Variants in LDLRAD3 observed in about 807,000 individuals in gnomAD.
LDLRAD3 encodes low density lipoprotein receptor class A domain containing 3.
A neutral mutation model predicts 29.4 loss-of-function variants in LDLRAD3; 20 were observed. The ratio of observed to expected loss-of-function variants is 0.68; its 90% confidence interval spans 0.48 to 0.99. The LOEUF is 0.99. Among genes scored for constraint, LDLRAD3 ranks in the 50% least tolerant of loss-of-function variants. The pLI is 0.00. For synonymous variants in LDLRAD3, 157 were observed against 192.7 expected (o/e 0.81, Z 1.53); for missense variants, 420 against 454.3 (o/e 0.92, Z 0.69).
chr11:36,214,758 C>T (rs1470885539), intron 4 of LDLRAD3, among the ~76,000 whole-genome samples: 2 of 152,148 alleles, frequency 1.3e-5, no homozygotes, highest in Non-Finnish European at 2.9e-5. Context: ...TCTTCTTTTT[C>T]TCACCTGTGA....
chr11:36,005,694 C>T (rs1386931932), intron 1 of LDLRAD3, among the ~76,000 whole-genome samples: 1 of 152,176 alleles, frequency 6.6e-6, no homozygotes, highest in East Asian at 1.9e-4. Flanking sequence ...CATTTTCACA[C>T]TCCTATAAAG....
chr11:36,186,811 C>T (rs1397076743), intron 4 of LDLRAD3, among the ~76,000 whole-genome samples: 6 of 152,210 alleles, frequency 3.9e-5, no homozygotes, highest in African/African-American at 1.4e-4. Context: ...ATGAGCCCCC[C>T]TGTGGGTTAC....
intron 1 of LDLRAD3, among the ~76,000 whole-genome samples, chr11:35,957,451 G>C (rs1215880238): frequency 2.0e-5 from 3 of 152,154 alleles, no homozygotes; most frequent in African/African-American, 7.2e-5. Context: ...GCTTTTACAT[G>C]ATGGTCATGA....
intron 4 of LDLRAD3, among the ~76,000 whole-genome samples, chr11:36,113,400 A>C (rs1340076267): frequency 6.6e-6 from 1 of 152,138 alleles, no homozygotes; most frequent in Non-Finnish European, 1.5e-5. Flanking sequence ...CTGAGACATC[A>C]GAAAGCGGGG....
chr11:36,073,491 G>A (rs1852941967), intron 2 of LDLRAD3, among the ~76,000 whole-genome samples: 1 of 152,262 alleles, frequency 6.6e-6, no homozygotes. Flanking sequence ...GGGTGAGAGA[G>A]GGACAGTCGG....
rs111786386 is a variant in LDLRAD3 at position 36,064,354 on chromosome 11, T to G, written c.194-17299T>G. Among the ~76,000 whole-genome samples, 830 of 152,196 alleles carry G rather than the reference T, an allele frequency of 5.5e-3. 12 individuals are homozygous for G. Among genetic ancestry groups the G allele is most frequent in the African/African-American group, 0.019 (792 of 41,536 alleles). On this transcript the variant is annotated intron_variant, in intron 2 of 5. Coordinates refer to ENST00000315571, the MANE Select transcript of LDLRAD3 (RefSeq NM_174902.4). ...TCTCACTCTGTTGCCCAGGCTAGAG[T>G]GCAGGAGTGCAGTGGTGTGATCACA...
intron 2 of LDLRAD3, among the ~76,000 whole-genome samples, chr11:36,081,329 G>T (rs1853110203): frequency 1.3e-5 from 2 of 152,198 alleles, no homozygotes; most frequent in South Asian, 4.1e-4. Flanking sequence ...TGGTGCTTCA[G>T]CACCTTCATC....
At chr11:36,140,885 T>C (rs1301732736) in intron 4 of LDLRAD3, among the ~76,000 whole-genome samples, 1 of 152,170 alleles carries the variant, frequency 6.6e-6, no homozygotes, top group African/African-American at 2.4e-5. Context: ...TTGAAGTAGA[T>C]AAAGCATCCT....
chr11:36,112,009 G>A (rs1344333412), intron 4 of LDLRAD3, among the ~76,000 whole-genome samples: 1 of 152,182 alleles, frequency 6.6e-6, no homozygotes, highest in Non-Finnish European at 1.5e-5. Context: ...TGTGTCTGCT[G>A]CTCAAATTTG....
At chr11:36,149,778 T>G (rs1854250286) in intron 4 of LDLRAD3, among the ~76,000 whole-genome samples, 1 of 152,186 alleles carries the variant, frequency 6.6e-6, no homozygotes, top group Non-Finnish European at 1.5e-5. Flanking sequence ...CCAGAAGTGC[T>G]GGGGCAGGTG....
chr11:36,007,659 T>G (rs1851901969), intron 1 of LDLRAD3, among the ~76,000 whole-genome samples: 1 of 152,124 alleles, frequency 6.6e-6, no homozygotes, highest in Non-Finnish European at 1.5e-5. Context: ...ACAGAAATGG[T>G]CTTATGGTCC....
chr11:35,965,491 G>T (rs928373276), intron 1 of LDLRAD3, among the ~76,000 whole-genome samples: 4 of 152,176 alleles, frequency 2.6e-5, no homozygotes, highest in Non-Finnish European at 5.9e-5. Context: ...GGGGGCCATG[G>T]GAGGGTGTAG....
At chr11:36,146,226 C>T (rs1338367212) in intron 4 of LDLRAD3, among the ~76,000 whole-genome samples, 3 of 152,208 alleles carry the variant, frequency 2.0e-5, no homozygotes, top group Non-Finnish European at 4.4e-5. Context: ...ACCCTGTGCA[C>T]TTACCTCCCT....
At chr11:36,120,075 A>C (rs1853731586) in intron 4 of LDLRAD3, among the ~76,000 whole-genome samples, 1 of 152,064 alleles carries the variant, frequency 6.6e-6, no homozygotes, top group Non-Finnish European at 1.5e-5. Context: ...TTTTATCGAA[A>C]ATGTTATTTT....
chr11:36,158,385 T>C (rs547575961), intron 4 of LDLRAD3, among the ~76,000 whole-genome samples: 1 of 152,292 alleles, frequency 6.6e-6, no homozygotes, highest in South Asian at 2.1e-4. Flanking sequence ...CTGTCTTCCA[T>C]ATACCCAAGG....
At chr11:36,156,103 A>G (rs936206873) in intron 4 of LDLRAD3, among the ~76,000 whole-genome samples, 2 of 152,216 alleles carry the variant, frequency 1.3e-5, no homozygotes, top group African/African-American at 4.8e-5. Context: ...GATTCGAGGT[A>G]GAGCCTTGCG....
At chr11:36,219,942 T>C (rs570668303) in intron 4 of LDLRAD3, among the ~76,000 whole-genome samples, 13 of 152,290 alleles carry the variant, frequency 8.5e-5, no homozygotes, top group South Asian at 2.1e-4. Flanking sequence ...AAATACTATG[T>C]CACAGAACAT....
At chr11:36,071,812 G>T (rs1029302294) in intron 2 of LDLRAD3, among the ~76,000 whole-genome samples, 1 of 152,198 alleles carries the variant, frequency 6.6e-6, no homozygotes, top group Admixed American at 6.5e-5. Flanking sequence ...CTGGGAGCTT[G>T]TTAGGAATGC....
chr11:36,161,134 C>T (rs1007876197), intron 4 of LDLRAD3, among the ~76,000 whole-genome samples: 2 of 152,208 alleles, frequency 1.3e-5, no homozygotes, highest in South Asian at 4.1e-4. Flanking sequence ...CCCGTCTCTC[C>T]TTCTGTGCAC....
Sources: gnomAD v4.1 joint callset for allele counts (sites outside exome capture counted in the v4.1 genomes callset) on GRCh38, gnomAD v4.1.1 for gene constraint, MANE v1.5 for transcripts, NCBI Gene and HGNC (gene_info 2026-07-23, HGNC 2026-07-21) for gene names.